Variants in AUTS2 observed in about 807,000 individuals in gnomAD.
AUTS2 encodes the protein autism susceptibility gene 2 protein.
AUTS2 carries 17 observed loss-of-function variants against 112.4 expected under a neutral mutation model. The ratio of observed to expected loss-of-function variants is 0.15; its 90% CI spans 0.10 to 0.23. The LOEUF (loss-of-function observed/expected upper bound fraction) is 0.23, where lower values mean the gene tolerates loss of function less well. Among genes scored for constraint, AUTS2 ranks in the 10% least tolerant of loss-of-function variants. The pLI, the probability that AUTS2 is intolerant of heterozygous loss-of-function variation, is 1.00. For synonymous variants in AUTS2, 751 were observed against 702.7 expected (o/e 1.07, Z -1.09); for missense variants, 1,510 against 1,701.6 (o/e 0.89, Z 1.98).
chr7:69,716,818 C>G (rs2129208965), intron 1 of AUTS2, among the ~76,000 whole-genome samples: 1 of 152,160 alleles, frequency 6.6e-6, no homozygotes, highest in South Asian at 2.1e-4. Context: ...ACTCAGAGAA[C>G]CCGGGGGGGA....
intron 1 of AUTS2, among the ~76,000 whole-genome samples, chr7:69,761,342 G>C (rs1788176491): frequency 6.6e-6 from 1 of 152,158 alleles, no homozygotes; most frequent in African/African-American, 2.4e-5. Context: ...TGTCTGGCCT[G>C]GCTGCTGTGG....
chr7:70,435,941 T>A (rs1467279001), intron 5 of AUTS2, 160 bp downstream of exon 5: 1 of 665,350 alleles, frequency 1.5e-6, no homozygotes, highest in African/African-American at 1.8e-5. Flanking sequence ...TTTCCTATGC[T>A]ATGACACGTT....
intron 1 of AUTS2, among the ~76,000 whole-genome samples, chr7:69,769,574 A>G (rs1212364147): frequency 6.6e-6 from 1 of 152,210 alleles, no homozygotes; most frequent in Non-Finnish European, 1.5e-5. Flanking sequence ...ATTGTTCCTC[A>G]GATTATGATA....
chr7:69,970,219 A>G (rs760277567), intron 2 of AUTS2, among the ~76,000 whole-genome samples: 2 of 152,038 alleles, frequency 1.3e-5, no homozygotes, highest in African/African-American at 4.8e-5. Context: ...ATTTCATCCT[A>G]TACCCCCTTT....
At chr7:69,605,139 CA>C (rs1792640930) in intron 1 of AUTS2, among the ~76,000 whole-genome samples, 2 of 152,150 alleles carry the variant, frequency 1.3e-5, no homozygotes, top group Non-Finnish European at 2.9e-5. Flanking sequence ...ATCTATAATC[CA>C]GTATGGGAAA....
intron 5 of AUTS2, among the ~76,000 whole-genome samples, chr7:70,533,256 C>T (rs1800169897): frequency 6.6e-6 from 1 of 152,174 alleles, no homozygotes; most frequent in African/African-American, 2.4e-5. Context: ...GCTGGGACCA[C>T]AGGCATGGAC....
intron 4 of AUTS2, among the ~76,000 whole-genome samples, chr7:70,391,221 T>C (rs1000005152): frequency 3.3e-5 from 5 of 152,204 alleles, no homozygotes; most frequent in African/African-American, 1.2e-4. Flanking sequence ...AAGAGTCCCC[T>C]GTCACTGTCC....
At chr7:70,216,948 C>T (rs1351719771) in intron 4 of AUTS2, among the ~76,000 whole-genome samples, 2 of 152,164 alleles carry the variant, frequency 1.3e-5, no homozygotes, top group African/African-American at 2.4e-5. Flanking sequence ...CTTGCGCTGT[C>T]ACCCAGGCTG....
chr7:69,824,357 C>T (rs1335913242), intron 1 of AUTS2, among the ~76,000 whole-genome samples: 2 of 151,124 alleles, frequency 1.3e-5, no homozygotes, highest in African/African-American at 2.4e-5. Flanking sequence ...TGCAGTGAGC[C>T]GAGATCGCGC....
chr7:70,284,133 T>C (rs1459323707), intron 4 of AUTS2, among the ~76,000 whole-genome samples: 1 of 152,234 alleles, frequency 6.6e-6, no homozygotes, highest in Non-Finnish European at 1.5e-5. Flanking sequence ...ATACTGGATG[T>C]CATATATTAA....
chr7:70,130,634 TG>T (rs1806223185), intron 3 of AUTS2, among the ~76,000 whole-genome samples: 1 of 151,704 alleles, frequency 6.6e-6, no homozygotes, highest in Non-Finnish European at 1.5e-5. Flanking sequence ...TACAATATAA[TG>T]AGATGGAGGT....
At chr7:69,629,471 GCTT>G (rs1293482957) in intron 1 of AUTS2, among the ~76,000 whole-genome samples, 2 of 152,156 alleles carry the variant, frequency 1.3e-5, no homozygotes, top group Non-Finnish European at 2.9e-5. Flanking sequence ...GAGAAGTCCA[GCTT>G]CTTAACTCCT....
In AUTS2 at chr7:70,685,732, G is replaced by A. The variant is rs557983012; in HGVS notation, c.691-12837G>A. ...GTTTTTTAAAAAAAGAAAAAACTGC[G>A]GAGAGCTCAGCCTAAAATGGCTAAA... On this transcript the variant is annotated intron_variant, in intron 5 of 18. Transcript: ENST00000342771. Among the ~76,000 whole-genome samples the A allele has an allele frequency of 1.1e-4, 17 of 152,186 alleles. No homozygotes were observed. In the South Asian group the frequency reaches 2.5e-3, roughly 22 times the overall value.
At chr7:70,613,857 G>C (rs895484055) in intron 5 of AUTS2, among the ~76,000 whole-genome samples, 2 of 152,234 alleles carry the variant, frequency 1.3e-5, no homozygotes, top group Non-Finnish European at 2.9e-5. Context: ...TTGGGCTTCA[G>C]TGTGCACCTG....
chr7:70,583,928 T>A (rs1802572147), intron 5 of AUTS2, among the ~76,000 whole-genome samples: 1 of 152,200 alleles, frequency 6.6e-6, no homozygotes, highest in Non-Finnish European at 1.5e-5. Context: ...ATGAAAATAT[T>A]TTCCCTGTGG....
intron 5 of AUTS2, among the ~76,000 whole-genome samples, chr7:70,647,784 C>T (rs545174678): frequency 1.3e-5 from 2 of 152,306 alleles, no homozygotes; most frequent in African/African-American, 2.4e-5. Flanking sequence ...AGGTGGCATA[C>T]GTGGTACAAG....
At chr7:69,857,161 A>G (rs1185615533) in intron 1 of AUTS2, among the ~76,000 whole-genome samples, 1 of 152,174 alleles carries the variant, frequency 6.6e-6, no homozygotes, top group Non-Finnish European at 1.5e-5. Flanking sequence ...GTATTCACAC[A>G]TACACTTAGA....
chr7:70,351,876 A>AT (rs1791784528), intron 4 of AUTS2, among the ~76,000 whole-genome samples: 1 of 151,512 alleles, frequency 6.6e-6, no homozygotes, highest in South Asian at 2.1e-4. Context: ...TAATTTTTGT[A>AT]TTTTTAGTAG....
At chr7:70,243,277 GTGTA>G (rs1181385527) in intron 4 of AUTS2, among the ~76,000 whole-genome samples, 16 of 133,204 alleles carry the variant, frequency 1.2e-4, no homozygotes, top group African/African-American at 3.1e-4. Context: ...GTGTGTGTGT[GTGTA>G]TGAGTATATA....
Sources: allele counts gnomAD v4.1 joint callset (sites outside exome capture counted in the v4.1 genomes callset), GRCh38; gene constraint gnomAD v4.1.1; transcripts MANE v1.5; gene names NCBI Gene and HGNC (gene_info 2026-07-23, HGNC 2026-07-21).